Variants in TDRD12 observed in about 807,000 individuals in gnomAD.
The protein encoded by TDRD12 is putative ATP-dependent RNA helicase TDRD12.
TDRD12 carries 158 observed loss-of-function variants against 133.5 expected under a neutral mutation model. That is an observed-to-expected ratio of 1.18 (90% confidence interval 1.04 to 1.35). The LOEUF (loss-of-function observed/expected upper bound fraction) is 1.35, where lower values mean the gene tolerates loss of function less well. TDRD12 is among the 40% of genes most tolerant of loss of function. The pLI, the probability that TDRD12 is intolerant of heterozygous loss-of-function variation, is 0.00. For synonymous variants in TDRD12, 460 were observed against 477.9 expected, an observed-to-expected ratio of 0.96 and a Z score of 0.49; for missense variants, 1,443 against 1,321.3, an observed-to-expected ratio of 1.09 and a Z score of -1.43.
rs34068580 is a variant in TDRD12, at chr19:32,722,679, A to AT, written c.24+2601dup. Among the ~76,000 whole-genome samples the AT allele has an allele frequency of 7.7e-3, 784 of 102,118 alleles. 5 individuals are homozygous for AT. The highest frequency in any genetic ancestry group is 0.011 in the Non-Finnish European group (473 of 44,192). 67.0% of individuals were successfully genotyped at this position (102,118 alleles called of 152,430 possible). ...TGTATCCTTTTATTATTTAAAAAAA[A>AT]TTTTTTTTTTTTTTTTTTGAGACGG... On this transcript the variant is annotated intron_variant, in intron 1 of 27. Coordinates refer to ENST00000444215, the Ensembl canonical transcript of TDRD12.
chr19:32,808,700 T>C (rs1213317223), intron 22 of TDRD12, among the ~76,000 whole-genome samples: 5 of 152,108 alleles, frequency 3.3e-5, no homozygotes, highest in African/African-American at 1.2e-4. Flanking sequence ...CCCACTACGG[T>C]TTTCATTATT....
At chr19:32,746,608 C>CTG (rs1441084129) in intron 4 of TDRD12, among the ~76,000 whole-genome samples, 1 of 119,920 alleles carries the variant, frequency 8.3e-6, no homozygotes, top group African/African-American at 3.2e-5. Flanking sequence ...TGTGGTTATT[C>CTG]TGTGTGTGTG....
chr19:32,794,930 G>C (rs918624126), intron 14 of TDRD12, 117 bp downstream of exon 14: 8 of 616,696 alleles, frequency 1.3e-5, no homozygotes, highest in Non-Finnish European at 2.3e-5. Flanking sequence ...AAACTTCCAG[G>C]CCAGAAACTG....
Position 32,800,790 on chromosome 19 carries a change from TA to T in TDRD12, c.2079+24del. On this transcript the variant is annotated intron_variant, in intron 18 of 27. Transcript: ENST00000444215. The stretch of plus-strand genomic sequence containing the variant: ...TGTGTAAGGTGAGTCCATCTCCATA[TA>T]AAAAATGTTCTGTTTGTTTCAACTG... 1 of 1,503,276 alleles carries T rather than the reference TA, an allele frequency of 6.7e-7. No homozygotes were observed. Among genetic ancestry groups the T allele is most frequent in the Non-Finnish European group, 8.8e-7 (1 of 1,134,710 alleles). The allele number at this position is 1,503,276 out of a possible 1,614,324, so 93.1% of individuals were successfully genotyped here. A position where few individuals can be genotyped will look rare whatever the true frequency, so the allele number is the denominator to read the frequency against.
intron 27 of TDRD12, among the ~76,000 whole-genome samples, chr19:32,820,726 G>A (rs1380392672): frequency 6.6e-6 from 1 of 152,190 alleles, no homozygotes; most frequent in Non-Finnish European, 1.5e-5. Flanking sequence ...CAGGAAACTG[G>A]CTTGTCACTT....
At chr19:32,727,282 C>G (rs1459075469) in intron 1 of TDRD12, among the ~76,000 whole-genome samples, 2 of 152,168 alleles carry the variant, frequency 1.3e-5, no homozygotes, top group Non-Finnish European at 1.5e-5. Context: ...GGAGAAATGT[C>G]TATTCAAATC....
chr19:32,823,082 G>A (rs1055862887), downstream of TDRD12, among the ~76,000 whole-genome samples: 1 of 152,172 alleles, frequency 6.6e-6, no homozygotes, highest in East Asian at 1.9e-4. Flanking sequence ...TCCCAGGAGG[G>A]CGGGATAAGA....
chr19:32,800,307 C>T, exon 17 of TDRD12: 1 of 1,527,738 alleles, frequency 6.5e-7, no homozygotes, highest in African/African-American at 1.4e-5. Flanking sequence ...ATGATCCCTA[C>T]ATTGTGATCA....
At chr19:32,808,762 T>C (rs1966901438) in intron 22 of TDRD12, among the ~76,000 whole-genome samples, 1 of 152,196 alleles carries the variant, frequency 6.6e-6, no homozygotes, top group Non-Finnish European at 1.5e-5. Context: ...ACCTCATTTC[T>C]AAGTTGTTGT....
At chr19:32,783,405 C>T (rs1970822927) in intron 11 of TDRD12, among the ~76,000 whole-genome samples, 1 of 152,118 alleles carries the variant, frequency 6.6e-6, no homozygotes, top group Non-Finnish European at 1.5e-5. Flanking sequence ...CGTGATGCCT[C>T]CAGCTTTGTT....
intron 18 of TDRD12, among the ~76,000 whole-genome samples, chr19:32,801,190 AC>A (rs1391292559): frequency 6.6e-6 from 1 of 150,418 alleles, no homozygotes; most frequent in African/African-American, 2.5e-5. Context: ...ACATAGTGAA[AC>A]CCTGTCTCTA....
chr19:32,742,641 TG>T, intron 3 of TDRD12, 139 bp from the exon 4 acceptor site: 5 of 930,876 alleles, frequency 5.4e-6, no homozygotes, highest in African/African-American at 1.7e-5. Flanking sequence ...GCACTGTTGG[TG>T]GCCATATTAG....
At chr19:32,750,488 A>C (rs982720714) in intron 6 of TDRD12, among the ~76,000 whole-genome samples, 4 of 152,226 alleles carry the variant, frequency 2.6e-5, no homozygotes, top group Admixed American at 2.6e-4. Context: ...ATAGTGCAGA[A>C]ATTTTGGGAT....
chr19:32,772,860 T>A lies in TDRD12; in HGVS notation c.963+10T>A. 7.2e-7 allele frequency: 1 copy of A among 1,387,538 alleles called. No homozygotes were observed. Among genetic ancestry groups the A allele is most frequent in the Non-Finnish European group, 9.6e-7 (1 of 1,046,904 alleles). The allele number at this position is 1,387,538 out of a possible 1,614,324, so 86.0% of individuals were successfully genotyped here. Reference sequence around the variant, plus strand: ...AAAAGATACAAATAAGGTTGTATTTTAAAAATGTTCTTTAAATACAAAGTT... The same window carrying A: ...AAAAGATACAAATAAGGTTGTATTTAAAAAATGTTCTTTAAATACAAAGTT... On this transcript the variant is annotated intron_variant, in intron 9 of 27. Transcript: ENST00000444215.
intron 11 of TDRD12, among the ~76,000 whole-genome samples, chr19:32,784,640 G>A (rs1440189865): frequency 1.3e-5 from 2 of 151,928 alleles, no homozygotes; most frequent in African/African-American, 4.8e-5. Context: ...TGGTTGGCAG[G>A]CTATTACAGC....
At chr19:32,788,340 G>A (rs1970970476) in intron 11 of TDRD12, among the ~76,000 whole-genome samples, 1 of 151,916 alleles carries the variant, frequency 6.6e-6, no homozygotes, top group Non-Finnish European at 1.5e-5. Flanking sequence ...TCAAACTCCT[G>A]ACCTCAAGTG....
At chr19:32,728,809 CTA>C (rs1968944159) in intron 1 of TDRD12, among the ~76,000 whole-genome samples, 1 of 119,380 alleles carries the variant, frequency 8.4e-6, no homozygotes. Context: ...CCACACCTGG[CTA>C]TTTTTTTTTT....
chr19:32,767,232 G>A (rs928420274), intron 8 of TDRD12, among the ~76,000 whole-genome samples: 4 of 151,614 alleles, frequency 2.6e-5, no homozygotes, highest in Admixed American at 1.3e-4. Flanking sequence ...GGGTTCAAGC[G>A]ATTCTCCTGC....
rs1230238226 is a variant in TDRD12, at chr19:32,738,927, A to G, written c.255A>G (p.Ala85=). The change falls in exon 3 of 28, where the codon GCA becomes GCG. Residue 85 remains alanine (A), a synonymous_variant. Transcript: ENST00000444215. Reference sequence around the variant, plus strand: ...TTGTCAAATCAATTACGTCTTCCGCAGACCAGTACCTGGCAGAATGTTTCC... The same window carrying G: ...TTGTCAAATCAATTACGTCTTCCGCGGACCAGTACCTGGCAGAATGTTTCC... The G allele has an allele frequency of 3.2e-6, 5 of 1,551,234 alleles. No homozygotes were observed. The Admixed American group carries it at 9.8e-5, about 30-fold the overall frequency.
Sources: gnomAD v4.1 joint callset for allele counts (sites outside exome capture counted in the v4.1 genomes callset) on GRCh38, gnomAD v4.1.1 for gene constraint, MANE v1.5 for transcripts, NCBI Gene and HGNC (gene_info 2026-07-23, HGNC 2026-07-21) for gene names.